Variants in ZBTB20 observed in about 807,000 individuals in gnomAD.
ZBTB20 encodes the protein zinc finger and BTB domain-containing protein 20.
A neutral mutation model predicts 56.9 loss-of-function variants in ZBTB20; 9 were observed. The observed-to-expected ratio is 0.16, with a 90% CI of 0.10 to 0.28. ZBTB20 has a LOEUF of 0.28. Among genes scored for constraint, ZBTB20 ranks in the 10% least tolerant of loss-of-function variants. The pLI is 1.00. For synonymous variants in ZBTB20, 417 were observed against 420.7 expected, an observed-to-expected ratio of 0.99 and a Z score of 0.11; for missense variants, 655 against 1,003.0, an observed-to-expected ratio of 0.65 and a Z score of 4.69.
intron 4 of ZBTB20, among the ~76,000 whole-genome samples, chr3:114,821,161 T>C (rs1028009716): frequency 2.6e-5 from 4 of 152,130 alleles, no homozygotes; most frequent in Non-Finnish European, 5.9e-5. Flanking sequence ...GTAATAACCT[T>C]CTAAGTAAGT....
intron 4 of ZBTB20, among the ~76,000 whole-genome samples, chr3:114,810,196 A>G (rs1032003886): frequency 3.3e-5 from 5 of 152,120 alleles, no homozygotes; most frequent in African/African-American, 1.2e-4. Context: ...CCAAAGCCTT[A>G]GGTCTTCCCC....
chr3:114,829,658 G>C (rs577778460), intron 4 of ZBTB20, among the ~76,000 whole-genome samples: 33 of 151,912 alleles, frequency 2.2e-4, no homozygotes, highest in African/African-American at 7.0e-4. Flanking sequence ...AAAGATTCTA[G>C]GTAGAAGTTA....
At chr3:114,675,580 T>G (rs142231728) in intron 6 of ZBTB20, among the ~76,000 whole-genome samples, 1 of 152,264 alleles carries the variant, frequency 6.6e-6, no homozygotes, top group East Asian at 1.9e-4. Context: ...GAAAAATCAA[T>G]GGGTGGGCAT....
chr3:114,866,967 T>G (rs964851755), intron 4 of ZBTB20, among the ~76,000 whole-genome samples: 1 of 152,198 alleles, frequency 6.6e-6, no homozygotes, highest in African/African-American at 2.4e-5. Flanking sequence ...GTATACATTT[T>G]ATTAGTTCCA....
At chr3:114,810,392 T>C (rs940269015) in intron 4 of ZBTB20, among the ~76,000 whole-genome samples, 11 of 152,186 alleles carry the variant, frequency 7.2e-5, no homozygotes, top group Non-Finnish European at 1.3e-4. Flanking sequence ...GCCCCTGAGA[T>C]TGTCACTGTT....
At chr3:114,529,494 C>A (rs1231934534) in intron 6 of ZBTB20, 1 of 152,208 alleles carries the variant, frequency 6.6e-6, no homozygotes, top group Non-Finnish European at 1.5e-5. Flanking sequence ...TCTTTTACCA[C>A]ATTTTCCACC....
chr3:114,904,515 C>T (rs2075248695), intron 3 of ZBTB20: 1 of 151,936 alleles, frequency 6.6e-6, no homozygotes, highest in Non-Finnish European at 1.5e-5. Flanking sequence ...TTTAGTCCTT[C>T]TGGACCCACT....
intron 1 of ZBTB20, among the ~76,000 whole-genome samples, chr3:115,110,425 A>T (rs1298277313): frequency 2.6e-5 from 4 of 152,208 alleles, no homozygotes; most frequent in African/African-American, 4.8e-5. Context: ...ATAACTTTTT[A>T]AAAAATGTAT....
chr3:114,547,302 G>A (rs944139204), intron 6 of ZBTB20, among the ~76,000 whole-genome samples: 1 of 152,142 alleles, frequency 6.6e-6, no homozygotes, highest in African/African-American at 2.4e-5. Context: ...AAATTGTTTT[G>A]TGAAGATAGT....
chr3:114,670,563 C>G (rs991469850), intron 6 of ZBTB20, among the ~76,000 whole-genome samples: 2 of 151,898 alleles, frequency 1.3e-5, no homozygotes, highest in Non-Finnish European at 2.9e-5. Context: ...TTAAAAACTG[C>G]CAAGTACCTC....
chr3:114,721,528 T>C (rs73857644), intron 5 of ZBTB20, among the ~76,000 whole-genome samples: 16,868 of 152,236 alleles, frequency 0.11, 1,188 homozygotes, highest in African/African-American at 0.17. Context: ...ATGTGCTTTA[T>C]GTAGATTAAC....
chr3:114,998,259 A>G (rs1479389738), intron 2 of ZBTB20, among the ~76,000 whole-genome samples: 1 of 151,750 alleles, frequency 6.6e-6, no homozygotes, highest in Non-Finnish European at 1.5e-5. Flanking sequence ...GATTTCATCA[A>G]TTTGTGCATG....
At chr3:114,589,279 T>G (rs2055499836) in intron 6 of ZBTB20, among the ~76,000 whole-genome samples, 2 of 152,198 alleles carry the variant, frequency 1.3e-5, no homozygotes, top group South Asian at 4.1e-4. Flanking sequence ...TGACAACCCT[T>G]GTGTGTATTA....
chr3:114,901,515 T>G (rs920086092), intron 3 of ZBTB20, among the ~76,000 whole-genome samples: 13 of 152,102 alleles, frequency 8.5e-5, no homozygotes, highest in Non-Finnish European at 1.6e-4. Context: ...AACCCAAAGT[T>G]CAATATTTTT....
chr3:114,575,325 C>A (rs1053501534), intron 6 of ZBTB20, among the ~76,000 whole-genome samples: 2 of 152,074 alleles, frequency 1.3e-5, no homozygotes, highest in African/African-American at 4.8e-5. Flanking sequence ...ATAAATCAAT[C>A]AAATGTATCA....
At chr3:114,688,883 T>A (rs1038592178) in intron 6 of ZBTB20, among the ~76,000 whole-genome samples, 2 of 152,118 alleles carry the variant, frequency 1.3e-5, no homozygotes, top group Non-Finnish European at 2.9e-5. Flanking sequence ...AATGTTTTCA[T>A]AGAGGAGGAC....
chr3:114,916,735 A>C (rs577031857), intron 3 of ZBTB20, among the ~76,000 whole-genome samples: 1 of 152,102 alleles, frequency 6.6e-6, no homozygotes, highest in South Asian at 2.1e-4. Context: ...CTGGGCTGTA[A>C]GGTTTCCACT....
intron 4 of ZBTB20, among the ~76,000 whole-genome samples, chr3:114,867,277 A>G: frequency 6.6e-6 from 1 of 152,194 alleles, no homozygotes; most frequent in Non-Finnish European, 1.5e-5. Context: ...ATCAAGAAGA[A>G]AAGCCACTTT....
intron 6 of ZBTB20, among the ~76,000 whole-genome samples, chr3:114,664,651 A>G (rs983607489): frequency 6.6e-6 from 1 of 151,814 alleles, no homozygotes; most frequent in African/African-American, 2.4e-5. Flanking sequence ...GCCGATATCT[A>G]CTGTGGTAAG....
Sources: gnomAD v4.1 joint callset for allele counts (sites outside exome capture counted in the v4.1 genomes callset) on GRCh38, gnomAD v4.1.1 for gene constraint, MANE v1.5 for transcripts, NCBI Gene and HGNC (gene_info 2026-07-23, HGNC 2026-07-21) for gene names.